Variants in DLGAP2 observed in about 807,000 individuals in gnomAD.
DLGAP2 encodes the protein disks large-associated protein 2.
Under a neutral mutation model 100.3 loss-of-function variants are expected in DLGAP2, and 26 were observed. The observed-to-expected ratio is 0.26, with a 90% confidence interval of 0.19 to 0.36. The LOEUF is 0.36. DLGAP2 is among the 10% of genes least tolerant of loss of function. The pLI, the probability that DLGAP2 is intolerant of heterozygous loss-of-function variation, is 1.00. For missense variants in DLGAP2, 1,858 were observed against 1,453.2 expected, an observed-to-expected ratio of 1.28 and a Z score of -4.53; for synonymous variants, 886 against 630.1, an observed-to-expected ratio of 1.41 and a Z score of -6.08.
At chr8:1,646,161 C>G (rs184731339) in intron 8 of DLGAP2, among the ~76,000 whole-genome samples, 1 of 152,044 alleles carries the variant, frequency 6.6e-6, no homozygotes, top group East Asian at 1.9e-4. Context: ...GATGCTTTCC[C>G]CAGTGTGGGT....
At chr8:823,544 C>G (rs1796628107) in intron 1 of DLGAP2, among the ~76,000 whole-genome samples, 1 of 152,046 alleles carries the variant, frequency 6.6e-6, no homozygotes, top group Non-Finnish European at 1.5e-5. Flanking sequence ...TCCCAGAGAC[C>G]CTTGACTTCC....
intron 3 of DLGAP2, among the ~76,000 whole-genome samples, chr8:1,321,160 C>G (rs10103190): frequency 6.8e-6 from 1 of 146,914 alleles, no homozygotes; most frequent in South Asian, 2.2e-4. Context: ...CATCCGTGCC[C>G]GTATGTGTCT....
chr8:1,391,101 C>A (rs1398128328), intron 3 of DLGAP2, among the ~76,000 whole-genome samples: 1 of 152,158 alleles, frequency 6.6e-6, no homozygotes, highest in Non-Finnish European at 1.5e-5. Context: ...AGAAGACGTT[C>A]CAAGAGTAGG....
intron 2 of DLGAP2, among the ~76,000 whole-genome samples, chr8:1,217,135 A>C (rs1318139128): frequency 6.6e-6 from 1 of 152,102 alleles, no homozygotes; most frequent in East Asian, 1.9e-4. Context: ...AATAGACCCC[A>C]GTATCTGTTG....
At chr8:841,310 C>T (rs778501467) in intron 1 of DLGAP2, among the ~76,000 whole-genome samples, 1 of 152,202 alleles carries the variant, frequency 6.6e-6, no homozygotes, top group East Asian at 1.9e-4. Flanking sequence ...GATGGTCGCT[C>T]ATCCTGACGC....
intron 3 of DLGAP2, among the ~76,000 whole-genome samples, chr8:1,284,322 G>A (rs956044289): frequency 1.3e-5 from 2 of 152,292 alleles, no homozygotes; most frequent in South Asian, 4.1e-4. Context: ...ATTCTGCTGT[G>A]CAGGTATCTG....
Position 1,122,266 on chromosome 8 carries a change from G to T in DLGAP2, c.74-136585G>T, listed in dbSNP as rs537502072. ...TTCTCCTCTTCTGTCCATGGAGACAGAGTTTTCATGACACGCACAGGTTTT... is the reference window on the plus strand; with the variant it reads ...TTCTCCTCTTCTGTCCATGGAGACATAGTTTTCATGACACGCACAGGTTTT... On this transcript the variant is annotated intron_variant, in intron 2 of 14. Transcript: ENST00000637795. 1.6e-4 allele frequency among the ~76,000 whole-genome samples: 24 copies of T among 152,322 alleles called. No individual in the cohort carries two copies. In the East Asian group the frequency reaches 4.6e-3, roughly 29 times the overall value.
chr8:1,290,101 G>T (rs974993830), intron 3 of DLGAP2, among the ~76,000 whole-genome samples: 4 of 152,106 alleles, frequency 2.6e-5, no homozygotes, highest in African/African-American at 9.7e-5. Context: ...TTCCTACCTG[G>T]GCTGCAGGTG....
At chr8:1,112,025 A>G (rs1298636493) in intron 2 of DLGAP2, among the ~76,000 whole-genome samples, 2 of 152,100 alleles carry the variant, frequency 1.3e-5, no homozygotes, top group African/African-American at 4.8e-5. Flanking sequence ...ACTCCCACCG[A>G]CAGTGTATAA....
chr8:963,606 G>C (rs1799778414), intron 2 of DLGAP2, among the ~76,000 whole-genome samples: 1 of 152,054 alleles, frequency 6.6e-6, no homozygotes, highest in Admixed American at 6.5e-5. Context: ...ATCTTAATTG[G>C]AACTTTACAA....
intron 3 of DLGAP2, among the ~76,000 whole-genome samples, chr8:1,370,922 C>G (rs949452019): frequency 6.6e-6 from 1 of 152,202 alleles, no homozygotes; most frequent in Non-Finnish European, 1.5e-5. Flanking sequence ...GGGCTTTACA[C>G]CATGGATAGA....
intron 3 of DLGAP2, among the ~76,000 whole-genome samples, chr8:1,442,572 A>G (rs1051371392): frequency 7.1e-6 from 1 of 140,566 alleles, no homozygotes; most frequent in Admixed American, 7.1e-5. Flanking sequence ...TAGACCCGCC[A>G]GGCTGCTGTG....
In DLGAP2 at chr8:862,710, G is replaced by A. The variant is rs554595495; in HGVS notation, c.19-45202G>A. Among the ~76,000 whole-genome samples, 68 of 152,212 alleles carry A rather than the reference G, an allele frequency of 4.5e-4. 1 individual carries two copies. Among genetic ancestry groups the A allele is most frequent in the South Asian group, 8.3e-4 (4 of 4,818 alleles). On this transcript the variant is annotated intron_variant, in intron 1 of 14. Coordinates refer to ENST00000637795, the MANE Select transcript of DLGAP2 (RefSeq NM_001346810.2). ...CAAGTGAGAACAGATCTTGTCCACC[G>A]TTACTTGGAACCTCAGGTGTTTTGA...
chr8:1,414,957 T>C (rs939325936), intron 3 of DLGAP2, among the ~76,000 whole-genome samples: 5 of 151,880 alleles, frequency 3.3e-5, no homozygotes, highest in Non-Finnish European at 2.9e-5. Context: ...TTCAGTGAGC[T>C]GAGGTCATGC....
chr8:1,245,853 C>A (rs4976879), intron 2 of DLGAP2, among the ~76,000 whole-genome samples: 15 of 152,158 alleles, frequency 9.9e-5, no homozygotes, highest in African/African-American at 2.2e-4. Context: ...ATGGAGACCC[C>A]GAGGTACACG....
At chr8:1,056,747 G>C (rs780879993) in intron 2 of DLGAP2, among the ~76,000 whole-genome samples, 3 of 152,234 alleles carry the variant, frequency 2.0e-5, no homozygotes, top group Non-Finnish European at 4.4e-5. Flanking sequence ...CGCTCCAGAA[G>C]TTTCTTAATT....
At chr8:1,491,973 C>T (rs1295541146) in intron 3 of DLGAP2, among the ~76,000 whole-genome samples, 1 of 152,200 alleles carries the variant, frequency 6.6e-6, no homozygotes, top group Non-Finnish European at 1.5e-5. Context: ...GTGACTGGAG[C>T]CGGGCTCCGC....
At chr8:1,017,581 ACGCCTCCAC>A (rs1801498837) in intron 2 of DLGAP2, among the ~76,000 whole-genome samples, 1 of 99,658 alleles carries the variant, frequency 1.0e-5, no homozygotes, top group Non-Finnish European at 2.1e-5. Flanking sequence ...AGGACAGACG[ACGCCTCCAC>A]TGTGTGTGAC....
At chr8:1,070,016 T>C (rs1356424170) in intron 2 of DLGAP2, among the ~76,000 whole-genome samples, 1 of 152,254 alleles carries the variant, frequency 6.6e-6, no homozygotes, top group African/African-American at 2.4e-5. Flanking sequence ...AAATGTTTTG[T>C]TCTTGGACTT....
Sources: allele counts gnomAD v4.1 joint callset (sites outside exome capture counted in the v4.1 genomes callset), GRCh38; gene constraint gnomAD v4.1.1; transcripts MANE v1.5; gene names NCBI Gene and HGNC (gene_info 2026-07-23, HGNC 2026-07-21).